RFX6: variants seen among roughly 807,000 people sequenced by gnomAD.
The protein encoded by RFX6 is regulatory factor X6, also known as DNA-binding protein RFX6.
Under a neutral mutation model 110.8 loss-of-function variants are expected in RFX6, and 50 were observed. The observed-to-expected ratio is 0.45, with a 90% CI of 0.36 to 0.57. The LOEUF (loss-of-function observed/expected upper bound fraction) is 0.57. RFX6 is among the 20% of genes least tolerant of loss of function. The pLI is 0.00. For synonymous variants in RFX6, 383 were observed against 411.2 expected (o/e 0.93, Z 0.83); for missense variants, 990 against 1,127.0 (o/e 0.88, Z 1.74).
At chr6:116,923,479 G>A (rs1775645999) in intron 14 of RFX6, 1 of 483,076 alleles carries the variant, frequency 2.1e-6, no homozygotes, top group South Asian at 2.1e-5. Flanking sequence ...TCTCTTCGAA[G>A]GGTTGTATAG....
intron 6 of RFX6, among the ~76,000 whole-genome samples, chr6:116,907,798 T>C (rs1189747745): frequency 6.6e-6 from 1 of 152,120 alleles, no homozygotes; most frequent in Non-Finnish European, 1.5e-5. Flanking sequence ...TGTCTGTTTG[T>C]TCTGTCCGTT....
intron 7 of RFX6, among the ~76,000 whole-genome samples, chr6:116,913,663 T>A (rs1189833791): frequency 6.6e-6 from 1 of 152,226 alleles, no homozygotes; most frequent in Admixed American, 6.5e-5. Flanking sequence ...TTAAGTATTA[T>A]GCTAATTGTG....
At chr6:116,922,940 G>A (rs569078452) in intron 13 of RFX6, among the ~76,000 whole-genome samples, 167 bp from the exon 14 acceptor site, 1 of 152,226 alleles carries the variant, frequency 6.6e-6, no homozygotes, top group Non-Finnish European at 1.5e-5. Context: ...CATCAGCAAA[G>A]ACAGGCTAAC....
rs748655499 is a variant in RFX6, at chr6:116,882,420, C to T, written c.558C>T (p.Gly186=). ...LLTTRRLGTR[G]HSKYHYYGIG... ...CAACAAGGCGGCTTGGAACAAGAGG[C>T]CATTCAAAGTAAGATACCAGTGAAC... Residue 186 remains glycine, a synonymous_variant, in exon 4 of 19, where the codon GGC becomes GGT. Coordinates refer to ENST00000332958, the MANE Select transcript of RFX6 (RefSeq NM_173560.4). 1.9e-6 allele frequency: 3 copies of T among 1,610,646 alleles called. No homozygotes were observed. The highest frequency in any genetic ancestry group is 2.5e-6 in the Non-Finnish European group (3 of 1,177,118).
At chr6:116,915,917 G>C (rs973016244) in intron 7 of RFX6, 91 bp from the exon 8 acceptor site, 1 of 919,896 alleles carries the variant, frequency 1.1e-6, no homozygotes, top group Non-Finnish European at 1.8e-6. Flanking sequence ...GTACGTAATA[G>C]GATCTTTTAA....
intron 18 of RFX6, among the ~76,000 whole-genome samples, chr6:116,930,935 C>T (rs376091654): frequency 1.3e-5 from 2 of 152,006 alleles, no homozygotes; most frequent in East Asian, 3.9e-4. Context: ...TGGTTGCTCT[C>T]GGGAAGGTGA....
chr6:116,927,415 C>A lies in RFX6; in HGVS notation c.2274C>A (p.Gly758=). 3.1e-6 allele frequency: 5 copies of A among 1,614,132 alleles called. No individual in the cohort carries two copies. Among genetic ancestry groups the A allele is most frequent in the Non-Finnish European group, 4.2e-6 (5 of 1,180,006 alleles). The change falls in exon 17 of 19, where the codon GGC becomes GGA. Residue 758 remains glycine (G), a synonymous_variant. Transcript: ENST00000332958. ...PYNSRPPSSY[G]PSLQAQDSHN... is the part of the protein sequence containing the mutation. Reference sequence around the variant, plus strand: ...ACTCCCGGCCACCGTCTAGCTATGGCCCATCCCTGCAAGCCCAGGATTCAC... The same window carrying A: ...ACTCCCGGCCACCGTCTAGCTATGGACCATCCCTGCAAGCCCAGGATTCAC...
At position 116,918,021 on chromosome 6, in the gene RFX6, T is replaced by G. The variant is rs1173030613; in HGVS notation, c.973-16T>G. 1 of 1,582,210 alleles carries G rather than the reference T, an allele frequency of 6.3e-7. No homozygotes were observed. Among genetic ancestry groups the G allele is most frequent in the Non-Finnish European group, 8.7e-7 (1 of 1,152,346 alleles). On this transcript the variant is annotated splice_polypyrimidine_tract_variant and intron_variant, in intron 9 of 18. Transcript: ENST00000332958. ...CTAAGTAAAGATTTGTATTAACCTCTTTTGCTATGATTAAGGTTCTTACAG... is the reference window on the plus strand; with the variant it reads ...CTAAGTAAAGATTTGTATTAACCTCGTTTGCTATGATTAAGGTTCTTACAG...
At chr6:116,885,503 G>A (rs1351761115) in intron 4 of RFX6, among the ~76,000 whole-genome samples, 2 of 152,028 alleles carry the variant, frequency 1.3e-5, no homozygotes, top group Non-Finnish European at 2.9e-5. Flanking sequence ...TTACAAATGA[G>A]GAAATTGCAT....
intron 9 of RFX6, among the ~76,000 whole-genome samples, chr6:116,916,933 A>G (rs1412632271): frequency 2.0e-5 from 3 of 152,140 alleles, no homozygotes; most frequent in Non-Finnish European, 2.9e-5. Flanking sequence ...CTATATTGCA[A>G]TGTGGGTACT....
chr6:116,926,022 A>C (rs564212606), intron 16 of RFX6, among the ~76,000 whole-genome samples: 1 of 152,168 alleles, frequency 6.6e-6, no homozygotes, highest in Non-Finnish European at 1.5e-5. Context: ...TCCTCCCTTA[A>C]AAAGTAGTTT....
intron 4 of RFX6, among the ~76,000 whole-genome samples, chr6:116,893,391 A>G (rs1774871995): frequency 6.6e-6 from 1 of 152,258 alleles, no homozygotes; most frequent in Non-Finnish European, 1.5e-5. Context: ...TTTAAAACAA[A>G]TTATCTACAG....
intron 6 of RFX6, among the ~76,000 whole-genome samples, chr6:116,897,044 A>T (rs1043256005): frequency 2.0e-5 from 3 of 152,182 alleles, no homozygotes; most frequent in African/African-American, 7.2e-5. Flanking sequence ...TGAACAAGTA[A>T]TTATAAGAAA....
intron 9 of RFX6, among the ~76,000 whole-genome samples, chr6:116,917,465 G>C (rs887498309): frequency 6.6e-6 from 1 of 151,964 alleles, no homozygotes; most frequent in Non-Finnish European, 1.5e-5. Flanking sequence ...AGGCAGCTCC[G>C]TGAGTGAGTA....
intron 2 of RFX6, among the ~76,000 whole-genome samples, chr6:116,878,538 G>A: frequency 6.6e-6 from 1 of 151,924 alleles, no homozygotes; most frequent in East Asian, 1.9e-4. Flanking sequence ...ATTGGATTTT[G>A]TGGAAAATCT....
rs996975092 is a variant in RFX6, at chr6:116,889,434, G to T, written c.567-4553G>T. Among the ~76,000 whole-genome samples, 3 of 152,068 alleles carry T rather than the reference G, an allele frequency of 2.0e-5. 1 individual carries two copies. The highest frequency in any genetic ancestry group is 2.0e-4 in the Admixed American group (3 of 15,260). The stretch of plus-strand genomic sequence containing the variant: ...TGGGAGGTAAGCCATGTATACAAAT[G>T]CCAATGATACAAGGACAGAGCTGTA... On this transcript the variant is annotated intron_variant, in intron 4 of 18. Coordinates refer to ENST00000332958, the MANE Select transcript of RFX6 (RefSeq NM_173560.4).
chr6:116,900,298 C>A (rs1030537515), intron 6 of RFX6, among the ~76,000 whole-genome samples: 7 of 152,022 alleles, frequency 4.6e-5, no homozygotes, highest in African/African-American at 1.7e-4. Context: ...CTCTGTCACC[C>A]AGGTCGGAGT....
At chr6:116,882,537 G>A in intron 4 of RFX6, 109 bp downstream of exon 4, 2 of 742,116 alleles carry the variant, frequency 2.7e-6, no homozygotes, top group Admixed American at 2.0e-5. Context: ...GTATTCTCTT[G>A]ATGAAGCAGA....
rs756661224 is a variant in RFX6, at chr6:116,927,311, C to T, written c.2170C>T (p.His724Tyr). Reference sequence around the variant, plus strand: ...AGGACTCTATCCTCATCACACCGAGCATGGTCGATGCATGGCTTGGACTGA... The same window carrying T: ...AGGACTCTATCCTCATCACACCGAGTATGGTCGATGCATGGCTTGGACTGA... ...TSGLYPHHTE[H>Y]GRCMAWTEQQ... The change falls in exon 17 of 19, where the codon CAT (histidine) becomes TAT (tyrosine). Residue 724 changes from histidine (H) to tyrosine (Y), a missense_variant. Around this residue, in one of 5 missense-constraint regions of RFX6, gnomAD observed 438 missense variants for 441.9 expected, o/e 0.99. Transcript: ENST00000332958. 4.8e-5 allele frequency: 77 copies of T among 1,614,190 alleles called. No individual in the cohort carries two copies. The highest frequency in any genetic ancestry group is 5.3e-5 in the Non-Finnish European group (63 of 1,179,998).
Sources: gnomAD v4.1 joint callset for allele counts (sites outside exome capture counted in the v4.1 genomes callset) on GRCh38, gnomAD v4.1.1 for gene constraint, gnomAD v4.1.1 regional missense constraint, MANE v1.5 for transcripts, NCBI Gene and HGNC (gene_info 2026-07-23, HGNC 2026-07-21) for gene names.